LANCL3: variants seen among roughly 807,000 people sequenced by gnomAD.
LANCL3 encodes the protein LanC like family member 3.
Under a neutral mutation model 26.5 loss-of-function variants are expected in LANCL3, and 19 were observed. The observed-to-expected ratio is 0.72, with a 90% CI of 0.50 to 1.05. The LOEUF is 1.05. Among genes scored for constraint, LANCL3 ranks in the 50% least tolerant of loss-of-function variants. The pLI, the probability that LANCL3 is intolerant of heterozygous loss-of-function variation, is 0.00. For missense variants in LANCL3, 318 were observed against 362.7 expected (o/e 0.88, Z 1.00); for synonymous variants, 160 against 166.6 (o/e 0.96, Z 0.30).
intron 3 of LANCL3, among the ~76,000 whole-genome samples, chrX:37,662,324 G>A (rs909440562): frequency 4.5e-5 from 5 of 112,188 alleles, no homozygotes; most frequent in South Asian, 3.7e-4. Context: ...ACTCTCAACC[G>A]CATTAGGTTA....
intron 1 of LANCL3, among the ~76,000 whole-genome samples, chrX:37,610,173 T>C (rs1449103028): frequency 4.5e-5 from 5 of 112,223 alleles, no homozygotes; most frequent in Admixed American, 2.8e-4. Context: ...TGGTACTGGC[T>C]GTCTGCTGGG....
chrX:37,630,043 T>A (rs1212670256), intron 1 of LANCL3, among the ~76,000 whole-genome samples: 1 of 111,874 alleles, frequency 8.9e-6, no homozygotes, highest in South Asian at 3.8e-4. Flanking sequence ...CCTTGGGCAG[T>A]ATGGCCATTT....
At chrX:37,586,991 A>T (rs782327982) in intron 1 of LANCL3, among the ~76,000 whole-genome samples, 65 of 112,130 alleles carry the variant, frequency 5.8e-4, no homozygotes, top group Non-Finnish European at 1.5e-4. Flanking sequence ...ATGTACTTTC[A>T]GTTTGTTAGT....
At chrX:37,675,193 C>A (rs1163211304) in intron 4 of LANCL3, among the ~76,000 whole-genome samples, 1 of 111,402 alleles carries the variant, frequency 9.0e-6, no homozygotes, top group Non-Finnish European at 1.9e-5. Context: ...AAAATCTTGC[C>A]CATTTATTTT....
intron 1 of LANCL3, among the ~76,000 whole-genome samples, chrX:37,610,034 T>C (rs1192538424): frequency 3.6e-5 from 4 of 112,631 alleles, no homozygotes; most frequent in Non-Finnish European, 5.6e-5. Context: ...TTTATTTTGC[T>C]AGAAAATATG....
intron 1 of LANCL3, among the ~76,000 whole-genome samples, chrX:37,577,642 T>C (rs1221248552): frequency 8.9e-6 from 1 of 112,659 alleles, no homozygotes; most frequent in East Asian, 2.8e-4. Flanking sequence ...TGATGACCAG[T>C]CCTAGATAAA....
At chrX:37,585,342 G>A (rs1403986957) in intron 1 of LANCL3, among the ~76,000 whole-genome samples, 1 of 111,106 alleles carries the variant, frequency 9.0e-6, no homozygotes, top group African/African-American at 3.3e-5. Flanking sequence ...TTCAATTCCT[G>A]GGTATCCTTG....
intron 1 of LANCL3, among the ~76,000 whole-genome samples, chrX:37,586,759 G>A (rs782493194): frequency 4.6e-4 from 52 of 111,920 alleles, no homozygotes; most frequent in East Asian, 8.4e-4. Context: ...CCTTTAGCTC[G>A]GAGAAGTTTG....
intron 1 of LANCL3, among the ~76,000 whole-genome samples, chrX:37,631,467 T>C (rs1556424299): frequency 2.7e-5 from 3 of 111,781 alleles, no homozygotes; most frequent in African/African-American, 9.8e-5. Flanking sequence ...TCTGCTCTGA[T>C]CTTAGTTATT....
At position 37,682,080 on chromosome X, in the gene LANCL3, GTTTTAT is replaced by G. The variant is rs1288792663; in HGVS notation, c.*6284_*6289del. On this transcript the variant is annotated 3_prime_UTR_variant, in exon 5 of 5. Transcript: ENST00000378619. ...GTAGAGTAATGCAATTCTTGCTGAT[GTTTTAT>G]TTTTATTTTTATTTTTTTATTTTTT... 3 of 110,464 alleles carry G rather than the reference GTTTTAT, an allele frequency of 2.7e-5. No individual in the cohort carries two copies. Among genetic ancestry groups the G allele is most frequent in the African/African-American group, 6.6e-5 (2 of 30,499 alleles). 9.1% of individuals were successfully genotyped at this position (110,464 alleles called of 1,213,427 possible).
chrX:37,656,855 C>T (rs1556431040), intron 2 of LANCL3, among the ~76,000 whole-genome samples: 2 of 112,789 alleles, frequency 1.8e-5, no homozygotes, highest in Non-Finnish European at 1.9e-5. Context: ...AATGAGTTTT[C>T]TCAAAGAAAT....
chrX:37,616,831 A>G (rs1429136096), intron 1 of LANCL3, among the ~76,000 whole-genome samples: 8 of 111,757 alleles, frequency 7.2e-5, no homozygotes, highest in Non-Finnish European at 1.5e-4. Flanking sequence ...AGTATCATCT[A>G]GGGACTTGTT....
intron 1 of LANCL3, among the ~76,000 whole-genome samples, chrX:37,623,866 A>C (rs1476229738): frequency 1.8e-5 from 2 of 112,121 alleles, no homozygotes; most frequent in African/African-American, 6.5e-5. Flanking sequence ...TGAATGGAAC[A>C]TGCTATGCAT....
intron 2 of LANCL3, 30 bp downstream of exon 2, chrX:37,655,841 G>A (rs1926271456): frequency 2.1e-5 from 25 of 1,185,612 alleles, no homozygotes; most frequent in Non-Finnish European, 2.7e-5. Context: ...TGGGCCTGTA[G>A]GAAGGAGAAA....
At position 37,581,441 on chromosome X, in the gene LANCL3, C is replaced by G. The variant is rs1430811658; in HGVS notation, c.573+8998C>G. ...AAGTTTTTCAAATTCCTTTAAAGGC[C>G]CAAACAAATCACATCCCAGCAATTT... On this transcript the variant is annotated intron_variant, in intron 1 of 4. Transcript: ENST00000378619. 2.7e-5 allele frequency among the ~76,000 whole-genome samples: 3 copies of G among 111,676 alleles called. No individual in the cohort carries two copies. In the Admixed American group the frequency reaches 2.9e-4, roughly 11 times the overall value.
At chrX:37,640,535 C>A (rs1306689527) in intron 1 of LANCL3, among the ~76,000 whole-genome samples, 3 of 111,848 alleles carry the variant, frequency 2.7e-5, no homozygotes, top group Non-Finnish European at 5.6e-5. Context: ...GTGGCAGAGA[C>A]TTTTCTCTCT....
At chrX:37,577,860 A>G (rs782001418) in intron 1 of LANCL3, among the ~76,000 whole-genome samples, 72 of 112,263 alleles carry the variant, frequency 6.4e-4, no homozygotes, top group Non-Finnish European at 2.1e-4. Flanking sequence ...GCTCATTTCT[A>G]AGGCAGGTGG....
intron 1 of LANCL3, among the ~76,000 whole-genome samples, chrX:37,577,578 A>T (rs1923785446): frequency 8.9e-6 from 1 of 112,410 alleles, no homozygotes; most frequent in Non-Finnish European, 1.9e-5. Context: ...GCTAGGAAAC[A>T]TGTAGATGTG....
intron 1 of LANCL3, among the ~76,000 whole-genome samples, chrX:37,592,168 C>T (rs1556419058): frequency 9.0e-6 from 1 of 111,598 alleles, no homozygotes; most frequent in Non-Finnish European, 1.9e-5. Context: ...CCACTGCCTC[C>T]AACAAGCAGT....
Sources: allele counts gnomAD v4.1 joint callset (sites outside exome capture counted in the v4.1 genomes callset), GRCh38; gene constraint gnomAD v4.1.1; transcripts MANE v1.5; gene names NCBI Gene and HGNC (gene_info 2026-07-23, HGNC 2026-07-21).